SDC2: variants seen among roughly 807,000 people sequenced by gnomAD.
SDC2 encodes syndecan 2, also known as syndecan-2.
Under a neutral mutation model 22.2 loss-of-function variants are expected in SDC2, and 13 were observed. The observed-to-expected ratio is 0.59, with a 90% CI of 0.38 to 0.93. SDC2 has a LOEUF of 0.93. Ranked by LOEUF, SDC2 falls within the 40% of genes least tolerant of loss-of-function variation. SDC2 has a pLI of 0.00. For missense variants in SDC2, 235 were observed against 246.8 expected (o/e 0.95, Z 0.32); for synonymous variants, 94 against 92.8 (o/e 1.01, Z -0.07).
rs114676381 is a variant in SDC2 at position 96,519,246 on chromosome 8, A to C, written c.60+24915A>C. On this transcript the variant is annotated intron_variant, in intron 1 of 4. Coordinates refer to ENST00000302190, the MANE Select transcript of SDC2 (RefSeq NM_002998.4). ...TGTAATTCCCCAGAGAGCAGTTTGGAAATCATAAAGCTGATTTACAGTTAT... is the reference window on the plus strand; with the variant it reads ...TGTAATTCCCCAGAGAGCAGTTTGGCAATCATAAAGCTGATTTACAGTTAT... 2.2e-3 allele frequency among the ~76,000 whole-genome samples: 339 copies of C among 152,254 alleles called. 2 individuals carry two copies. The highest frequency in any genetic ancestry group is 7.9e-3 in the African/African-American group (328 of 41,536).
At chr8:96,495,314 C>T (rs1813054392) in intron 1 of SDC2, among the ~76,000 whole-genome samples, 1 of 152,206 alleles carries the variant, frequency 6.6e-6, no homozygotes, top group African/African-American at 2.4e-5. Flanking sequence ...GCGGTGGGAA[C>T]TTGATTTCTC....
In SDC2 at chr8:96,595,167, CAG is replaced by C. The variant is rs1313183764; in HGVS notation, c.172+1578_172+1579del. On this transcript the variant is annotated intron_variant, in intron 2 of 4. Coordinates refer to ENST00000302190, the MANE Select transcript of SDC2 (RefSeq NM_002998.4). ...CTTTTTTGCTTTAGGGTTTTTATAA[CAG>C]ATTCAACAGATTGTTAGATATCTAT... Among the ~76,000 whole-genome samples the C allele has an allele frequency of 3.3e-5, 5 of 152,182 alleles. No individual in the cohort carries two copies. The East Asian group carries it at 7.7e-4, about 23-fold the overall frequency.
intron 1 of SDC2, among the ~76,000 whole-genome samples, chr8:96,587,057 G>T (rs1029999149): frequency 6.6e-6 from 1 of 152,026 alleles, no homozygotes; most frequent in African/African-American, 2.4e-5. Context: ...CAAGTAGCTG[G>T]GATAACAGGC....
chr8:96,510,351 AAG>A (rs1184484122), intron 1 of SDC2, among the ~76,000 whole-genome samples: 1 of 152,160 alleles, frequency 6.6e-6, no homozygotes, highest in Non-Finnish European at 1.5e-5. Flanking sequence ...CTGAAATAGG[AAG>A]AGAGAGTGCT....
chr8:96,501,949 C>A (rs1200175375), intron 1 of SDC2, among the ~76,000 whole-genome samples: 2 of 151,728 alleles, frequency 1.3e-5, no homozygotes, highest in African/African-American at 4.9e-5. Context: ...TCTAATAGCT[C>A]ATGGTAACCT....
chr8:96,561,532 C>T (rs986238517), intron 1 of SDC2, among the ~76,000 whole-genome samples: 6 of 152,186 alleles, frequency 3.9e-5, no homozygotes, highest in Non-Finnish European at 7.3e-5. Flanking sequence ...TGAGTTTATT[C>T]TCCAGATGGC....
chr8:96,607,830 A>G (rs565517014), intron 3 of SDC2, among the ~76,000 whole-genome samples: 1 of 152,282 alleles, frequency 6.6e-6, no homozygotes. Flanking sequence ...ACTAGGGGGA[A>G]GCATTAGGAG....
Position 96,602,536 on chromosome 8 carries a change from C to A in SDC2, c.306+8C>A. On this transcript the variant is annotated splice_region_variant and intron_variant, in intron 3 of 4. Coordinates refer to ENST00000302190, the MANE Select transcript of SDC2 (RefSeq NM_002998.4). ...ATACCTGCTCAGACAAAGGTGCGTT[C>A]TATTTTCCATTGCATTGCATTATCA... 1.2e-6 allele frequency: 2 copies of A among 1,613,882 alleles called. No individual in the cohort carries two copies. Among genetic ancestry groups the A allele is most frequent in the South Asian group, 2.2e-5 (2 of 91,054 alleles).
chr8:96,528,281 C>A (rs902092466), intron 1 of SDC2, among the ~76,000 whole-genome samples: 16 of 151,688 alleles, frequency 1.1e-4, no homozygotes, highest in African/African-American at 3.9e-4. Context: ...TTTTTTTAAG[C>A]CTAAAAGCCA....
At chr8:96,529,268 A>G (rs748238516) in intron 1 of SDC2, 14 of 152,230 alleles carry the variant, frequency 9.2e-5, no homozygotes, top group Admixed American at 2.0e-4. Flanking sequence ...TCAATATTCA[A>G]TAGGTATGTT....
intron 1 of SDC2, among the ~76,000 whole-genome samples, chr8:96,572,227 T>A (rs372333648): frequency 2.6e-5 from 4 of 152,202 alleles, no homozygotes; most frequent in African/African-American, 9.7e-5. Flanking sequence ...GGTTTTTGAC[T>A]CCAGAACCCC....
chr8:96,583,279 A>AAT (rs1008418139), intron 1 of SDC2, among the ~76,000 whole-genome samples: 2 of 147,044 alleles, frequency 1.4e-5, no homozygotes, highest in Non-Finnish European at 3.0e-5. Flanking sequence ...ATTTATATAT[A>AAT]ATATATATAT....
chr8:96,539,648 A>G (rs1813813244), intron 1 of SDC2, among the ~76,000 whole-genome samples: 1 of 152,270 alleles, frequency 6.6e-6, no homozygotes, highest in Non-Finnish European at 1.5e-5. Flanking sequence ...TAAGTTGCCC[A>G]GTCTGATTTT....
rs1225034584 is a variant in SDC2, at chr8:96,576,374, G to GTT, written c.61-17103_61-17102dup. 6.7e-3 allele frequency among the ~76,000 whole-genome samples: 271 copies of GTT among 40,632 alleles called. 12 individuals are homozygous for GTT. Among genetic ancestry groups the GTT allele is most frequent in the Admixed American group, 0.018 (62 of 3,518 alleles). The allele number at this position is 40,632 out of a possible 152,430, so 26.7% of individuals were successfully genotyped here. A position where few individuals can be genotyped will look rare whatever the true frequency, so the allele number is the denominator to read the frequency against. ...GTTCAATAATTGGTAGTTTGTTTTT[G>GTT]TTTTGTTTTGTTTTTTTTTACCAGA... is the stretch of plus-strand genomic sequence containing the variant. On this transcript the variant is annotated intron_variant, in intron 1 of 4. Transcript: ENST00000302190.
At chr8:96,500,644 A>C (rs1813146338) in intron 1 of SDC2, among the ~76,000 whole-genome samples, 1 of 144,482 alleles carries the variant, frequency 6.9e-6, no homozygotes, top group African/African-American at 2.6e-5. Context: ...CCTGGGCGAC[A>C]GAGTGAGACT....
chr8:96,516,596 C>T (rs111889266), intron 1 of SDC2, among the ~76,000 whole-genome samples: 1 of 151,962 alleles, frequency 6.6e-6, no homozygotes, highest in African/African-American at 2.4e-5. Flanking sequence ...ATTCCACTCA[C>T]TTCAAGGCCT....
chr8:96,590,060 G>A (rs1167190681), intron 1 of SDC2, among the ~76,000 whole-genome samples: 2 of 152,210 alleles, frequency 1.3e-5, no homozygotes, highest in East Asian at 3.9e-4. Context: ...GGCTGAATGT[G>A]GCATTACGCA....
chr8:96,573,905 G>A (rs1814443765), intron 1 of SDC2, among the ~76,000 whole-genome samples: 1 of 151,582 alleles, frequency 6.6e-6, no homozygotes. Flanking sequence ...CACCTATCCC[G>A]AACACACACC....
intron 1 of SDC2, among the ~76,000 whole-genome samples, chr8:96,537,035 G>C (rs1411054150): frequency 6.6e-6 from 1 of 152,164 alleles, no homozygotes; most frequent in Non-Finnish European, 1.5e-5. Context: ...ATTATAAAAT[G>C]ATGAAGGCAT....
Sources: gnomAD v4.1 joint callset for allele counts (sites outside exome capture counted in the v4.1 genomes callset) on GRCh38, gnomAD v4.1.1 for gene constraint, MANE v1.5 for transcripts, NCBI Gene and HGNC (gene_info 2026-07-23, HGNC 2026-07-21) for gene names.